Variants in OCA2 observed in about 807,000 individuals in gnomAD.
OCA2 encodes the protein OCA2 melanosomal transmembrane protein.
In OCA2, 77 loss-of-function variants were observed where a neutral mutation model predicts 100.2. The ratio of observed to expected loss-of-function variants is 0.77; its 90% CI spans 0.64 to 0.93. The LOEUF (loss-of-function observed/expected upper bound fraction) is 0.93. Ranked by LOEUF, OCA2 falls within the 40% of genes least tolerant of loss-of-function variation. The pLI is 0.00. For missense variants in OCA2, 1,062 were observed against 1,089.1 expected, an observed-to-expected ratio of 0.98 and a Z score of 0.35; for synonymous variants, 432 against 439.2, an observed-to-expected ratio of 0.98 and a Z score of 0.21.
Position 28,028,042 on chromosome 15 carries a change from A to G in OCA2, c.344T>C (p.Val115Ala). The change falls in exon 4 of 24, where the codon GTT (valine) becomes GCT (alanine). Residue 115 changes from valine to alanine, a missense_variant. Physicochemically the swap from Val to Ala is moderately conservative, Grantham distance 64. Transcript: ENST00000354638. ...AGCAGTGATGAACTCTGGATGGTAA[A>G]CAGGTATGCACCGTGACCTGGAAAG... The part of the protein sequence containing the change: ...LQEKGSRCIP[V>A]YHPEFITAEE... 1 of 1,614,198 alleles carries G rather than the reference A, an allele frequency of 6.2e-7. No homozygotes were observed.
chr15:27,961,777 A>C (rs2040418119), intron 15 of OCA2, among the ~76,000 whole-genome samples: 3 of 152,074 alleles, frequency 2.0e-5, no homozygotes, highest in Non-Finnish European at 2.9e-5. Flanking sequence ...GGAGGGGATC[A>C]TCACACACCG....
In OCA2 at chr15:27,851,450, T is replaced by C. The variant is rs751518755; in HGVS notation, c.2270A>G (p.His757Arg). 2 of 1,613,808 alleles carry C rather than the reference T, an allele frequency of 1.2e-6. No homozygotes were observed. The highest frequency in any genetic ancestry group is 2.2e-5 in the East Asian group (1 of 44,866). Residue 757 changes from histidine (H) to arginine (R), a missense_variant, in exon 22 of 24, where the codon CAC (histidine) becomes CGC (arginine). Physicochemically the swap from His to Arg is conservative, Grantham distance 29. Transcript: ENST00000354638. The stretch of plus-strand genomic sequence containing the variant: ...TGCGGGCAGGCCAACCTCAGGGTCG[T>C]GGCTCAGGTTCAGGAGCACGGGAAT... The part of the protein sequence containing the change: ...TMIPVLLNLS[H>R]DPEVGLPAPP...
Position 27,992,821 on chromosome 15 carries a change from C to A in OCA2, c.1045-2174G>T, listed in dbSNP as rs116064414. On this transcript the variant is annotated intron_variant, in intron 9 of 23. Transcript: ENST00000354638. Reference sequence around the variant, plus strand: ...CTTTGTCTGGACGGAAAGGAGACTTCCAGTAAAGAGCAAAGAGCCGGCCTG... The same window carrying A: ...CTTTGTCTGGACGGAAAGGAGACTTACAGTAAAGAGCAAAGAGCCGGCCTG... Among the ~76,000 whole-genome samples the A allele has an allele frequency of 9.6e-3, 1,465 of 152,284 alleles. 19 individuals are homozygous for A. Among genetic ancestry groups the A allele is most frequent in the African/African-American group, 0.033 (1,389 of 41,554 alleles).
chr15:27,751,520 C>T (rs761147884), downstream of OCA2, among the ~76,000 whole-genome samples: 6 of 152,172 alleles, frequency 3.9e-5, no homozygotes, highest in African/African-American at 9.7e-5. Flanking sequence ...CTTTTAATTT[C>T]GAAGGCAGCA....
At chr15:27,929,342 T>C (rs2039160355) in intron 18 of OCA2, among the ~76,000 whole-genome samples, 1 of 152,222 alleles carries the variant, frequency 6.6e-6, no homozygotes, top group African/African-American at 2.4e-5. Flanking sequence ...CCCATATATT[T>C]ATGGTCAATT....
chr15:27,963,634 T>C lies in OCA2; in HGVS notation c.1636+3056A>G, dbSNP rs552358212. On this transcript the variant is annotated intron_variant, in intron 15 of 23. Coordinates refer to ENST00000354638, the MANE Select transcript of OCA2 (RefSeq NM_000275.3). ...ACTAAAGTAATACTTAGAAGGAAAT[T>C]TAGAGCACTAAAGGCCTATATTAGA... is the stretch of plus-strand genomic sequence containing the variant. Among the ~76,000 whole-genome samples the C allele has an allele frequency of 6.6e-5, 10 of 152,154 alleles. No individual in the cohort carries two copies. The East Asian group carries it at 1.9e-3, about 29-fold the overall frequency.
chr15:27,993,115 C>A (rs551050599), intron 9 of OCA2, among the ~76,000 whole-genome samples: 2 of 152,162 alleles, frequency 1.3e-5, no homozygotes, highest in East Asian at 1.9e-4. Context: ...CAGAGCGAGA[C>A]CCCGTCTCAA....
At chr15:28,021,618 G>A (rs1055178266) in intron 6 of OCA2, among the ~76,000 whole-genome samples, 2 of 152,176 alleles carry the variant, frequency 1.3e-5, no homozygotes, top group Admixed American at 6.5e-5. Flanking sequence ...GAACCCCAGC[G>A]GACGCTCCCC....
rs2043199143 is a variant in OCA2, at chr15:28,041,454, A to G, written c.228-9291T>C. 6.6e-5 allele frequency among the ~76,000 whole-genome samples: 10 copies of G among 152,198 alleles called. No homozygotes were observed. In the South Asian group the frequency reaches 2.1e-3, roughly 31 times the overall value. On this transcript the variant is annotated intron_variant, in intron 2 of 23. Transcript: ENST00000354638. ...GTGAAAGACTGAAAGCTTTTCCCCT[A>G]TGACTAGGAACAAGGTAAGGATGCC...
At chr15:27,835,855 C>G (rs940793340) in intron 23 of OCA2, among the ~76,000 whole-genome samples, 4 of 152,192 alleles carry the variant, frequency 2.6e-5, no homozygotes, top group African/African-American at 9.7e-5. Flanking sequence ...CGTGCCTCTC[C>G]CAGTACTGAG....
chr15:28,027,186 G>A (rs1165393440), intron 4 of OCA2, among the ~76,000 whole-genome samples: 1 of 152,194 alleles, frequency 6.6e-6, no homozygotes, highest in Non-Finnish European at 1.5e-5. Flanking sequence ...CCGCGCACAC[G>A]CTCGGCCTCC....
At chr15:28,022,396 G>A in intron 6 of OCA2, 105 bp downstream of exon 6, 5 of 698,604 alleles carry the variant, frequency 7.2e-6, no homozygotes, top group Non-Finnish European at 9.4e-6. Context: ...AGTGGTAATG[G>A]CCTGTGCCGT....
At chr15:27,841,167 A>T (rs990116831) in intron 23 of OCA2, among the ~76,000 whole-genome samples, 6 of 152,256 alleles carry the variant, frequency 3.9e-5, no homozygotes, top group Non-Finnish European at 7.3e-5. Context: ...AATTTGGATG[A>T]ATTGCTAGAC....
intron 22 of OCA2, among the ~76,000 whole-genome samples, chr15:27,850,437 C>T (rs1041581293): frequency 1.3e-5 from 2 of 152,182 alleles, no homozygotes; most frequent in Non-Finnish European, 2.9e-5. Flanking sequence ...TCCTTGGATC[C>T]TGTTCCTTAT....
chr15:28,021,878 G>T (rs549501680), intron 6 of OCA2, among the ~76,000 whole-genome samples: 1 of 152,108 alleles, frequency 6.6e-6, no homozygotes, highest in Non-Finnish European at 1.5e-5. Context: ...CAGCTGGCAG[G>T]GCGCCCGGTA....
intron 19 of OCA2, among the ~76,000 whole-genome samples, chr15:27,901,574 C>T (rs1018241053): frequency 6.6e-6 from 1 of 152,202 alleles, no homozygotes; most frequent in Non-Finnish European, 1.5e-5. Flanking sequence ...TAATCTCTTT[C>T]TTTCCTGAGA....
chr15:28,018,043 A>G (rs147866788), intron 7 of OCA2, among the ~76,000 whole-genome samples: 7 of 151,944 alleles, frequency 4.6e-5, no homozygotes, highest in African/African-American at 1.7e-4. Flanking sequence ...GTGCTGTGGA[A>G]GTGTCTTCTG....
chr15:27,805,041 T>C (rs1241671576), intron 23 of OCA2, among the ~76,000 whole-genome samples: 1 of 152,154 alleles, frequency 6.6e-6, no homozygotes, highest in African/African-American at 2.4e-5. Context: ...CTGTCATCAA[T>C]GCCACCAAGA....
At chr15:27,832,120 C>T (rs1231252167) in intron 23 of OCA2, among the ~76,000 whole-genome samples, 1 of 152,166 alleles carries the variant, frequency 6.6e-6, no homozygotes, top group Non-Finnish European at 1.5e-5. Flanking sequence ...TACTCAAGAC[C>T]AAACTCTGCA....
Sources: allele counts gnomAD v4.1 joint callset (sites outside exome capture counted in the v4.1 genomes callset), GRCh38; gene constraint gnomAD v4.1.1; transcripts MANE v1.5; gene names NCBI Gene and HGNC (gene_info 2026-07-23, HGNC 2026-07-21).